Variants in GNB5 observed in about 807,000 individuals in gnomAD.
The protein encoded by GNB5 is G protein subunit beta 5, also known as guanine nucleotide-binding protein subunit beta-5.
A neutral mutation model predicts 55.3 loss-of-function variants in GNB5; 37 were observed. The ratio of observed to expected loss-of-function variants is 0.67; its 90% CI spans 0.51 to 0.88. The LOEUF (loss-of-function observed/expected upper bound fraction) is 0.88, where lower values mean the gene tolerates loss of function less well. GNB5 is among the 40% of genes least tolerant of loss of function. The pLI is 0.00. For synonymous variants in GNB5, 219 were observed against 198.5 expected, an observed-to-expected ratio of 1.10 and a Z score of -0.87; for missense variants, 476 against 515.3, an observed-to-expected ratio of 0.92 and a Z score of 0.74.
chr15:52,124,507 G>T lies in GNB5; in HGVS notation c.1142C>A (p.Ala381Asp). The T allele has an allele frequency of 6.2e-7, 1 of 1,614,002 alleles. No homozygotes were observed. The highest frequency in any genetic ancestry group is 8.5e-7 in the Non-Finnish European group (1 of 1,179,842). Reference sequence around the variant, plus strand: ...ATGATCCCATGATCCAGAGCAGAAAGCAGTCCCATCGGGGGAAACTCGTAG... The same window carrying T: ...ATGATCCCATGATCCAGAGCAGAAATCAGTCCCATCGGGGGAAACTCGTAG... ...STLRVSPDGT[A>D]FCSGSWDHTL... The change falls in exon 12 of 13, where the codon GCT (alanine) becomes GAT (aspartate). Residue 381 changes from alanine (A) to aspartate (D), a missense_variant. Physicochemically the swap from Ala to Asp is moderately radical, Grantham distance 126. Coordinates refer to ENST00000261837, the MANE Select transcript of GNB5 (RefSeq NM_016194.4).
At chr15:52,136,704 G>A (rs572391421) in intron 7 of GNB5, among the ~76,000 whole-genome samples, 1 of 152,310 alleles carries the variant, frequency 6.6e-6, no homozygotes, top group African/African-American at 2.4e-5. Flanking sequence ...TCTGCTGTGT[G>A]CTGACAGTGT....
chr15:52,166,951 G>C (rs2034462850), intron 3 of GNB5, among the ~76,000 whole-genome samples: 1 of 151,972 alleles, frequency 6.6e-6, no homozygotes, highest in Non-Finnish European at 1.5e-5. Context: ...ATTAATAAAA[G>C]AGAGGAGAAT....
rs1417651582 is a variant in GNB5 at position 52,119,009 on chromosome 15, G to A, written c.*3748C>T. ...GGCTGCCTATGGATGGGGAGGAGAT[G>A]GGGAGAAAAGAAAGAGCTGGGGGAA... On this transcript the variant is annotated 3_prime_UTR_variant, in exon 13 of 13. Transcript: ENST00000261837. The A allele has an allele frequency of 7.3e-6, 1 of 136,102 alleles. No homozygotes were observed. The highest frequency in any genetic ancestry group is 1.5e-5 in the Non-Finnish European group (1 of 67,376). 8.4% of individuals were successfully genotyped at this position (136,102 alleles called of 1,614,324 possible). A position where few individuals can be genotyped will look rare whatever the true frequency, so the allele number is the denominator to read the frequency against.
intron 8 of GNB5, among the ~76,000 whole-genome samples, chr15:52,134,059 G>A (rs902907656): frequency 2.0e-5 from 3 of 152,228 alleles, no homozygotes; most frequent in Non-Finnish European, 2.9e-5. Flanking sequence ...TGCTGCCATC[G>A]ACGCGCAGGG....
chr15:52,164,594 C>A (rs915265938), intron 3 of GNB5, among the ~76,000 whole-genome samples: 2 of 152,034 alleles, frequency 1.3e-5, no homozygotes, highest in African/African-American at 2.4e-5. Flanking sequence ...CGACACTGCA[C>A]TCCAGCCTGG....
chr15:52,176,543 G>A (rs2034654285), intron 3 of GNB5, among the ~76,000 whole-genome samples: 3 of 152,162 alleles, frequency 2.0e-5, no homozygotes, highest in Non-Finnish European at 4.4e-5. Context: ...CTGGGCTGGG[G>A]TAAGGTAAGA....
chr15:52,167,647 G>A (rs1049234830), intron 3 of GNB5, among the ~76,000 whole-genome samples: 1 of 151,442 alleles, frequency 6.6e-6, no homozygotes, highest in Non-Finnish European at 1.5e-5. Flanking sequence ...CTCCAGACTG[G>A]GCAACAGGAG....
rs114670353 is a variant in GNB5, at chr15:52,124,267, C to T, written c.1176+206G>A. Among the ~76,000 whole-genome samples, 294 of 152,344 alleles carry T rather than the reference C, an allele frequency of 1.9e-3. 1 individual carries two copies. Among genetic ancestry groups the T allele is most frequent in the African/African-American group, 6.6e-3 (275 of 41,588 alleles). On this transcript the variant is annotated intron_variant, in intron 12 of 12. Coordinates refer to ENST00000261837, the MANE Select transcript of GNB5 (RefSeq NM_016194.4). ...CTGATACGCAGTTGTCGAATCTGTG[C>T]GAGAATACCTGCACTGATGCAGCAC...
chr15:52,159,198 G>A (rs540073348), intron 3 of GNB5, among the ~76,000 whole-genome samples: 1 of 152,278 alleles, frequency 6.6e-6, no homozygotes, highest in South Asian at 2.1e-4. Flanking sequence ...GTACACCCAT[G>A]ACAGAGCTCA....
intron 2 of GNB5, among the ~76,000 whole-genome samples, chr15:52,181,609 C>CAAAAAA (rs199750560): frequency 2.7e-5 from 4 of 150,654 alleles, no homozygotes; most frequent in African/African-American, 9.8e-5. Context: ...GAGCAAGACT[C>CAAAAAA]AAAAAAAACA....
chr15:52,146,546 G>T (rs1291477093), intron 6 of GNB5, among the ~76,000 whole-genome samples: 1 of 151,902 alleles, frequency 6.6e-6, no homozygotes, highest in African/African-American at 2.4e-5. Flanking sequence ...GGGTATGTTG[G>T]TTCCTTTTTC....
intron 3 of GNB5, among the ~76,000 whole-genome samples, chr15:52,165,777 T>A (rs566785227): frequency 1.3e-5 from 2 of 152,218 alleles, no homozygotes; most frequent in South Asian, 4.1e-4. Context: ...GTGAAGCACC[T>A]ACACAAACAA....
At chr15:52,176,792 G>C (rs570850634) in intron 3 of GNB5, among the ~76,000 whole-genome samples, 1 of 152,274 alleles carries the variant, frequency 6.6e-6, no homozygotes, top group East Asian at 1.9e-4. Flanking sequence ...AGTGAGCCCA[G>C]TAAAGCAATC....
chr15:52,131,717 T>C (rs1355123494), intron 9 of GNB5, among the ~76,000 whole-genome samples: 1 of 152,256 alleles, frequency 6.6e-6, no homozygotes. Flanking sequence ...CAAGAAGTAC[T>C]AAAGTAAGCA....
chr15:52,171,965 G>A (rs2034562106), intron 3 of GNB5, among the ~76,000 whole-genome samples: 1 of 152,178 alleles, frequency 6.6e-6, no homozygotes, highest in Admixed American at 6.5e-5. Context: ...AAGGACCTGG[G>A]AATTGGAGTA....
Position 52,116,407 on chromosome 15 carries a change from T to C in GNB5, c.*6350A>G, listed in dbSNP as rs1213816898. On this transcript the variant is annotated 3_prime_UTR_variant, in exon 13 of 13. Coordinates refer to ENST00000261837, the MANE Select transcript of GNB5 (RefSeq NM_016194.4). ...GGAATCACTCCTGATCCCATCTCCT[T>C]ACTAGAGGGTCTGCATCTTTTTTTC... 6.6e-6 allele frequency: 1 copy of C among 152,262 alleles called. No individual in the cohort carries two copies. Among genetic ancestry groups the C allele is most frequent in the Non-Finnish European group, 1.5e-5 (1 of 68,046 alleles). The allele number at this position is 152,262 out of a possible 1,614,324, so 9.4% of individuals were successfully genotyped here. A position where few individuals can be genotyped will look rare whatever the true frequency, so the allele number is the denominator to read the frequency against.
intron 3 of GNB5, among the ~76,000 whole-genome samples, chr15:52,163,835 T>C (rs1349301036): frequency 6.6e-6 from 1 of 152,148 alleles, no homozygotes; most frequent in Non-Finnish European, 1.5e-5. Flanking sequence ...CCAGCTGGCA[T>C]CAGGTTGGTG....
At position 52,176,875 on chromosome 15, in the gene GNB5, G is replaced by A. The variant is rs535657763; in HGVS notation, c.238+2893C>T. On this transcript the variant is annotated intron_variant, in intron 3 of 12. Coordinates refer to ENST00000261837, the MANE Select transcript of GNB5 (RefSeq NM_016194.4). ...GGGAGTAAGAGCCCAAATCTTCACTGCACCCATGGGGTCCTGCATGAGCTC... is the reference window on the plus strand; with the variant it reads ...GGGAGTAAGAGCCCAAATCTTCACTACACCCATGGGGTCCTGCATGAGCTC... Among the ~76,000 whole-genome samples, 6 of 152,126 alleles carry A rather than the reference G, an allele frequency of 3.9e-5. No homozygotes were observed. In the South Asian group the frequency reaches 1.0e-3, roughly 26 times the overall value.
intron 1 of GNB5, among the ~76,000 whole-genome samples, chr15:52,187,050 G>C (rs1011768203): frequency 6.6e-6 from 1 of 152,202 alleles, no homozygotes; most frequent in African/African-American, 2.4e-5. Context: ...CAAGGTCAGC[G>C]GCAGAGCTGA....
Sources: gnomAD v4.1 joint callset for allele counts (sites outside exome capture counted in the v4.1 genomes callset) on GRCh38, gnomAD v4.1.1 for gene constraint, MANE v1.5 for transcripts, NCBI Gene and HGNC (gene_info 2026-07-23, HGNC 2026-07-21) for gene names.